Variants in PIEZO2 observed in about 807,000 individuals in gnomAD.
PIEZO2 encodes piezo-type mechanosensitive ion channel component 2.
A neutral mutation model predicts 337.3 loss-of-function variants in PIEZO2; 172 were observed. The ratio of observed to expected loss-of-function variants is 0.51; its 90% confidence interval spans 0.45 to 0.58. PIEZO2 has a LOEUF of 0.58. Among genes scored for constraint, PIEZO2 ranks in the 20% least tolerant of loss-of-function variants. The probability of loss-of-function intolerance (pLI) is 0.00; values close to 1 mark genes in which losing one functional copy is unlikely to be tolerated. For missense variants in PIEZO2, 3,028 were observed against 3,391.3 expected (o/e 0.89, Z 2.66); for synonymous variants, 1,251 against 1,228.5 (o/e 1.02, Z -0.38).
rs1466712451 is a variant in PIEZO2 at position 10,856,965 on chromosome 18, C to A, written c.703+36G>T. The stretch of plus-strand genomic sequence containing the variant: ...TCATTCACCAAAGCACTGCTTGTGC[C>A]TTTTGCTACGTGCAGCCAGTGTGGG... On this transcript the variant is annotated intron_variant, in intron 6 of 55. Coordinates refer to ENST00000674853, the MANE Select transcript of PIEZO2 (RefSeq NM_001378183.1). The surrounding 1 kb of genome is among the most constrained non-coding windows in gnomAD (Gnocchi z 4.7). 1.3e-6 allele frequency: 2 copies of A among 1,522,482 alleles called. No homozygotes were observed. Among genetic ancestry groups the A allele is most frequent in the Admixed American group, 3.9e-5 (2 of 50,960 alleles). 94.3% of individuals were successfully genotyped at this position (1,522,482 alleles called of 1,614,324 possible).
chr18:10,906,551 A>G (rs532228037), intron 4 of PIEZO2, among the ~76,000 whole-genome samples: 4 of 152,120 alleles, frequency 2.6e-5, no homozygotes, highest in African/African-American at 7.2e-5. Flanking sequence ...TCACTATGAT[A>G]GATATTATAA....
intron 7 of PIEZO2, among the ~76,000 whole-genome samples, chr18:10,827,879 A>C (rs983457601): frequency 6.6e-6 from 1 of 152,184 alleles, no homozygotes; most frequent in Admixed American, 6.6e-5. Context: ...TAAAGCCTTT[A>C]ACTTCTATTT....
In PIEZO2 at chr18:10,884,063, G is replaced by A. The variant is rs142836738; in HGVS notation, c.330-12648C>T. On this transcript the variant is annotated intron_variant, in intron 4 of 55. Transcript: ENST00000674853. The stretch of plus-strand genomic sequence containing the variant: ...CCTGACCTTGTGATCCACCCACCTC[G>A]GCCTCCCAAAGTGCTGGGATTACAG... 6.0e-3 allele frequency among the ~76,000 whole-genome samples: 917 copies of A among 152,002 alleles called. 11 individuals are homozygous for A. Among genetic ancestry groups the A allele is most frequent in the African/African-American group, 0.021 (858 of 41,466 alleles).
chr18:11,090,361 G>A (rs907248274), intron 1 of PIEZO2, among the ~76,000 whole-genome samples: 1 of 152,218 alleles, frequency 6.6e-6, no homozygotes, highest in Non-Finnish European at 1.5e-5. Flanking sequence ...AAAACAAAGT[G>A]AAACATAAGT....
intron 7 of PIEZO2, among the ~76,000 whole-genome samples, chr18:10,809,256 C>CT (rs2040099834): frequency 9.5e-6 from 1 of 105,578 alleles, no homozygotes. Flanking sequence ...CTCTCTCTCT[C>CT]TCTCTTTTTT....
intron 3 of PIEZO2, among the ~76,000 whole-genome samples, chr18:10,955,779 TATTAC>T (rs2033492659): frequency 6.6e-6 from 1 of 152,254 alleles, no homozygotes; most frequent in Non-Finnish European, 1.5e-5. Context: ...AGTAAGTAAG[TATTAC>T]CATTAGAATA....
chr18:11,063,436 A>C (rs1345394309), intron 2 of PIEZO2, among the ~76,000 whole-genome samples: 1 of 19,970 alleles, frequency 5.0e-5, no homozygotes, highest in African/African-American at 1.3e-4. Context: ...TATAATAATA[A>C]AAAAAAAGAC....
chr18:10,748,017 C>T lies in PIEZO2; in HGVS notation c.4424+454G>A, dbSNP rs1045463375. ...TTTCCTAAACTTACAAGAGCAGGGG[C>T]AAAAACTGGAAGAAGAATGGAGCCT... On this transcript the variant is annotated intron_variant, in intron 30 of 55. Coordinates refer to ENST00000674853, the MANE Select transcript of PIEZO2 (RefSeq NM_001378183.1). The surrounding 1 kb of genome is among the most constrained non-coding windows in gnomAD (Gnocchi z 5.1). Among the ~76,000 whole-genome samples, 3 of 151,868 alleles carry T rather than the reference C, an allele frequency of 2.0e-5. No homozygotes were observed. Among genetic ancestry groups the T allele is most frequent in the African/African-American group, 7.3e-5 (3 of 41,298 alleles).
rs547575864 is a variant in PIEZO2, at chr18:10,921,869, G to A, written c.287-10641C>T. Among the ~76,000 whole-genome samples the A allele has an allele frequency of 2.0e-5, 3 of 152,214 alleles. No individual in the cohort carries two copies. In the South Asian group the frequency reaches 6.2e-4, roughly 32 times the overall value. ...GTGGCCGTCTTCTATGGTCGAGACTGTAGGGATGAAATAAACCCCAGTCTC... is the reference window on the plus strand; with the variant it reads ...GTGGCCGTCTTCTATGGTCGAGACTATAGGGATGAAATAAACCCCAGTCTC... On this transcript the variant is annotated intron_variant, in intron 3 of 55. Coordinates refer to ENST00000674853, the MANE Select transcript of PIEZO2 (RefSeq NM_001378183.1).
intron 2 of PIEZO2, among the ~76,000 whole-genome samples, chr18:10,983,936 G>T (rs1444972073): frequency 6.6e-6 from 1 of 152,090 alleles, no homozygotes; most frequent in Admixed American, 6.6e-5. Flanking sequence ...TTGTTGGATA[G>T]AGAGAAGGCA....
rs1239535466 is a variant in PIEZO2 at position 10,748,447 on chromosome 18, A to C, written c.4424+24T>G. 1 of 1,535,326 alleles carries C rather than the reference A, an allele frequency of 6.5e-7. No individual in the cohort carries two copies. The highest frequency in any genetic ancestry group is 8.7e-7 in the Non-Finnish European group (1 of 1,145,770). On this transcript the variant is annotated intron_variant, in intron 30 of 55. Transcript: ENST00000674853. The surrounding 1 kb of genome is among the most constrained non-coding windows in gnomAD (Gnocchi z 5.1). ...TCAGGCAAGTTTCCTGGGAGAAACC[A>C]CCTGATTTCATGGCCTGACCCACCT...
chr18:10,756,271 G>C (rs2037841552), intron 27 of PIEZO2, among the ~76,000 whole-genome samples: 1 of 150,952 alleles, frequency 6.6e-6, no homozygotes, highest in South Asian at 2.1e-4. Flanking sequence ...ATGAGGGATG[G>C]AGATGAAGAG....
intron 36 of PIEZO2, among the ~76,000 whole-genome samples, chr18:10,725,837 C>T (rs1028774248): frequency 6.6e-6 from 1 of 152,166 alleles, no homozygotes; most frequent in Non-Finnish European, 1.5e-5. Context: ...AAGGCCAGAT[C>T]CTGGGAATGG....
At chr18:10,792,274 C>T (rs2039433270) in intron 13 of PIEZO2, among the ~76,000 whole-genome samples, 2 of 152,138 alleles carry the variant, frequency 1.3e-5, no homozygotes, top group South Asian at 2.1e-4. Flanking sequence ...TTAAAAATAG[C>T]TTTATTGATA....
Position 11,125,694 on chromosome 18 carries a change from G to A in PIEZO2, c.64+22831C>T, listed in dbSNP as rs528717931. The stretch of plus-strand genomic sequence containing the variant: ...TGCGTAGGTCTATGCCAGGAAAAGA[G>A]AGTCTAGTTCAGGGCAGGACAACAT... On this transcript the variant is annotated intron_variant, in intron 1 of 55. Transcript: ENST00000674853. This position sits in a 1 kb window ranked among gnomAD's most constrained non-coding sequence, Gnocchi z 4.4. Among the ~76,000 whole-genome samples, 1 of 152,216 alleles carries A rather than the reference G, an allele frequency of 6.6e-6. No individual in the cohort carries two copies. Among genetic ancestry groups the A allele is most frequent in the Non-Finnish European group, 1.5e-5 (1 of 68,036 alleles).
rs146204493 is a variant in PIEZO2, at chr18:10,824,776, T to A, written c.918-17502A>T. On this transcript the variant is annotated intron_variant, in intron 7 of 55. Transcript: ENST00000674853. The surrounding 1 kb of genome is among the most constrained non-coding windows in gnomAD (Gnocchi z 4.4). ...AAATCTTACATTAGTATGATACATCTGTCACAATTAACAAAACAATACTGA... is the reference window on the plus strand; with the variant it reads ...AAATCTTACATTAGTATGATACATCAGTCACAATTAACAAAACAATACTGA... 1.2e-4 allele frequency among the ~76,000 whole-genome samples: 19 copies of A among 152,342 alleles called. No individual in the cohort carries two copies. The highest frequency in any genetic ancestry group is 4.6e-4 in the African/African-American group (19 of 41,586).
intron 27 of PIEZO2, among the ~76,000 whole-genome samples, chr18:10,756,408 G>A (rs988338407): frequency 6.7e-6 from 1 of 150,010 alleles, no homozygotes; most frequent in Non-Finnish European, 1.5e-5. Context: ...AGGACGGATG[G>A]AAGAGGAGAA....
At position 10,736,640 on chromosome 18, in the gene PIEZO2, CTTCT is replaced by C; in HGVS notation, c.4775_4778del (p.Lys1592ArgfsTer24). ...ACCTTCGTGGAGGTTCTTCATCTTC[CTTCT>C]TTAATTCTTCCTCTTCCTCCTCTTC... On this transcript the variant is annotated frameshift_variant, in exon 34 of 56. Transcript: ENST00000674853. LOFTEE classifies it high-confidence loss of function. The C allele has an allele frequency of 2.6e-6, 4 of 1,537,118 alleles. No homozygotes were observed. Among genetic ancestry groups the C allele is most frequent in the Non-Finnish European group, 2.6e-6 (3 of 1,146,860 alleles).
Position 11,131,477 on chromosome 18 carries a change from T to C in PIEZO2, c.64+17048A>G, listed in dbSNP as rs562554180. 6.6e-6 allele frequency among the ~76,000 whole-genome samples: 1 copy of C among 152,304 alleles called. No individual in the cohort carries two copies. Among genetic ancestry groups the C allele is most frequent in the African/African-American group, 2.4e-5 (1 of 41,572 alleles). On this transcript the variant is annotated intron_variant, in intron 1 of 55. Coordinates refer to ENST00000674853, the MANE Select transcript of PIEZO2 (RefSeq NM_001378183.1). The surrounding 1 kb of genome is among the most constrained non-coding windows in gnomAD (Gnocchi z 5.3). Reference sequence around the variant, plus strand: ...TTCACAGATAGTTCTGCACGATATGTAGGCACCATGTGAACATGGACAGCT... The same window carrying C: ...TTCACAGATAGTTCTGCACGATATGCAGGCACCATGTGAACATGGACAGCT...
Sources: gnomAD v4.1 joint callset for allele counts (sites outside exome capture counted in the v4.1 genomes callset) on GRCh38, gnomAD v4.1.1 for gene constraint, Gnocchi (gnomAD v3.1) non-coding constraint, MANE v1.5 for transcripts, NCBI Gene and HGNC (gene_info 2026-07-23, HGNC 2026-07-21) for gene names.